Variants in XKR6 observed in about 807,000 individuals in gnomAD.
XKR6 encodes XK-related protein 6.
A neutral mutation model predicts 56.7 loss-of-function variants in XKR6; 22 were observed. The ratio of observed to expected loss-of-function variants is 0.39; its 90% CI spans 0.28 to 0.55. The LOEUF (loss-of-function observed/expected upper bound fraction) is 0.55, where lower values mean the gene tolerates loss of function less well. Ranked by LOEUF, XKR6 falls within the 20% of genes least tolerant of loss-of-function variation. The pLI is 0.66. For missense variants in XKR6, 852 were observed against 889.0 expected (o/e 0.96, Z 0.53); for synonymous variants, 524 against 387.8 (o/e 1.35, Z -4.13).
chr8:11,132,215 GA>G (rs1800138251), intron 1 of XKR6, among the ~76,000 whole-genome samples: 1 of 152,070 alleles, frequency 6.6e-6, no homozygotes, highest in East Asian at 1.9e-4. Flanking sequence ...AGTTGTCTTT[GA>G]GACAAGTTAT....
chr8:11,021,452 G>A (rs1245651477), intron 1 of XKR6, among the ~76,000 whole-genome samples: 2 of 152,208 alleles, frequency 1.3e-5, no homozygotes, highest in Admixed American at 6.5e-5. Context: ...CCTTGTTTAA[G>A]CAATGGTTTA....
intron 1 of XKR6, among the ~76,000 whole-genome samples, chr8:11,071,940 A>G (rs759437571): frequency 6.6e-6 from 1 of 152,202 alleles, no homozygotes; most frequent in Non-Finnish European, 1.5e-5. Context: ...TCATATATAG[A>G]CCTCCAAAGA....
intron 1 of XKR6, among the ~76,000 whole-genome samples, chr8:11,071,479 TCCATGAGCCCC>T (rs1800114075): frequency 2.6e-5 from 2 of 76,582 alleles, no homozygotes; most frequent in African/African-American, 8.5e-5. Flanking sequence ...GAGCCCCGAG[TCCATGAGCCCC>T]GAGTCCATGA....
chr8:11,150,887 C>T (rs990753735), intron 1 of XKR6, among the ~76,000 whole-genome samples: 3 of 150,410 alleles, frequency 2.0e-5, no homozygotes, highest in Non-Finnish European at 3.0e-5. Flanking sequence ...TTCCTTCCAA[C>T]CTTGAAATCA....
intron 1 of XKR6, among the ~76,000 whole-genome samples, chr8:11,188,539 C>T (rs925758853): frequency 1.6e-4 from 24 of 152,206 alleles, no homozygotes; most frequent in African/African-American, 5.8e-4. Context: ...ACCAAAACCA[C>T]TTGATTGCTT....
chr8:11,081,817 T>C (rs1158389403), intron 1 of XKR6, among the ~76,000 whole-genome samples: 2 of 152,236 alleles, frequency 1.3e-5, no homozygotes, highest in Admixed American at 1.3e-4. Flanking sequence ...ATCAGTGGAA[T>C]TTCCACTGTT....
intron 1 of XKR6, among the ~76,000 whole-genome samples, chr8:11,173,386 C>CAA (rs1323760409): frequency 1.3e-5 from 2 of 149,600 alleles, no homozygotes; most frequent in African/African-American, 4.9e-5. Flanking sequence ...CACACACACA[C>CAA]AAATATATAT....
At chr8:10,973,240 T>C (rs1802459852) in intron 1 of XKR6, among the ~76,000 whole-genome samples, 1 of 152,218 alleles carries the variant, frequency 6.6e-6, no homozygotes, top group African/African-American at 2.4e-5. Flanking sequence ...TAATGGGTCA[T>C]ATATGTCCCA....
At position 10,924,707 on chromosome 8, in the gene XKR6, G is replaced by C. The variant is rs1389330516; in HGVS notation, c.888C>G (p.Phe296Leu). The part of the protein sequence containing the change: ...DVNMLRLLET[F>L]LESAPQLVLQ... ...GCACCAGTTGGGGCGCGCTCTCCAG[G>C]AAGGTCTCCAGGAGGCGCAGCATGT... Residue 296 changes from phenylalanine (F) to leucine (L), a missense_variant, in exon 2 of 3, where the codon TTC becomes TTG. Around this residue, in one of 4 missense-constraint regions of XKR6, gnomAD observed 199 missense variants for 280.4 expected, o/e 0.71. Transcript: ENST00000416569. 6.2e-7 allele frequency: 1 copy of C among 1,613,570 alleles called. No homozygotes were observed. The highest frequency in any genetic ancestry group is 8.5e-7 in the Non-Finnish European group (1 of 1,180,012).
intron 1 of XKR6, chr8:11,066,951 G>C (rs531691250): frequency 6.6e-6 from 1 of 152,240 alleles, no homozygotes. Flanking sequence ...ACAAGGGCTC[G>C]CTCCCACTGC....
At position 11,157,263 on chromosome 8, in the gene XKR6, T is replaced by G. The variant is rs945242426; in HGVS notation, c.764+43313A>C. ...GCAAGATGGTCCACTAGGCTGAACCTTGGAACTGAAGGAAGACACAAATGG... is the reference window on the plus strand; with the variant it reads ...GCAAGATGGTCCACTAGGCTGAACCGTGGAACTGAAGGAAGACACAAATGG... On this transcript the variant is annotated intron_variant, in intron 1 of 2. Coordinates refer to ENST00000416569, the MANE Select transcript of XKR6 (RefSeq NM_173683.4). Among the ~76,000 whole-genome samples, 7 of 152,100 alleles carry G rather than the reference T, an allele frequency of 4.6e-5. No homozygotes were observed. In the South Asian group the frequency reaches 1.5e-3, roughly 32 times the overall value.
chr8:11,076,007 G>A (rs551415700), intron 1 of XKR6, among the ~76,000 whole-genome samples: 1 of 152,294 alleles, frequency 6.6e-6, no homozygotes, highest in African/African-American at 2.4e-5. Context: ...AACCCAACAT[G>A]GTCCATCCAT....
intron 1 of XKR6, among the ~76,000 whole-genome samples, chr8:11,181,376 T>A (rs10100660): frequency 0.28 from 42,508 of 152,116 alleles, 6,836 homozygotes; most frequent in Non-Finnish European, 0.37. Context: ...TCAGATGACA[T>A]GCTTGCCTAA....
chr8:10,955,783 T>C (rs1024401882), intron 1 of XKR6, among the ~76,000 whole-genome samples: 4 of 152,264 alleles, frequency 2.6e-5, no homozygotes, highest in African/African-American at 9.6e-5. Context: ...GAGAAACTTG[T>C]CTGAGGCTCA....
chr8:11,170,648 G>T (rs1802319094), intron 1 of XKR6, among the ~76,000 whole-genome samples: 1 of 152,188 alleles, frequency 6.6e-6, no homozygotes, highest in African/African-American at 2.4e-5. Context: ...ACAACTCTGT[G>T]AAGATACAAA....
chr8:10,960,005 G>T (rs887477986), intron 1 of XKR6, among the ~76,000 whole-genome samples: 4 of 151,340 alleles, frequency 2.6e-5, no homozygotes, highest in Non-Finnish European at 1.5e-5. Context: ...AAGCCTGAAG[G>T]TCAGGGGGGG....
At chr8:11,018,667 G>A (rs1798680225) in intron 1 of XKR6, among the ~76,000 whole-genome samples, 1 of 152,162 alleles carries the variant, frequency 6.6e-6, no homozygotes. Flanking sequence ...GTGAAATGTT[G>A]TCTTTCTCAG....
intron 1 of XKR6, among the ~76,000 whole-genome samples, chr8:11,055,557 G>A (rs1198150787): frequency 2.0e-5 from 3 of 152,124 alleles, no homozygotes; most frequent in Non-Finnish European, 2.9e-5. Flanking sequence ...CGCCCGCCCC[G>A]CCTCACAGCA....
At chr8:11,042,601 C>T (rs979734761) in intron 1 of XKR6, among the ~76,000 whole-genome samples, 2 of 152,192 alleles carry the variant, frequency 1.3e-5, no homozygotes, top group African/African-American at 4.8e-5. Flanking sequence ...ATAAATTACT[C>T]AGTCTTGGGT....
Sources: gnomAD v4.1 joint callset for allele counts (sites outside exome capture counted in the v4.1 genomes callset) on GRCh38, gnomAD v4.1.1 for gene constraint, gnomAD v4.1.1 regional missense constraint, MANE v1.5 for transcripts, NCBI Gene and HGNC (gene_info 2026-07-23, HGNC 2026-07-21) for gene names.